The following CHD5 variants were observed in gnomAD, a reference collection of about 807,000 sequenced individuals.
CHD5 encodes ATP-dependent chromatin remodeler CHD5.
A neutral mutation model predicts 230.3 loss-of-function variants in CHD5; 69 were observed. The ratio of observed to expected loss-of-function variants is 0.30; its 90% CI spans 0.25 to 0.37. The LOEUF (loss-of-function observed/expected upper bound fraction) is 0.37, where lower values mean the gene tolerates loss of function less well. Ranked by LOEUF, CHD5 falls within the 10% of genes least tolerant of loss-of-function variation. The pLI, the probability that CHD5 is intolerant of heterozygous loss-of-function variation, is 1.00. For missense variants in CHD5, 1,827 were observed against 2,622.8 expected (o/e 0.70, Z 6.63); for synonymous variants, 1,064 against 1,065.9 (o/e 1.00, Z 0.03).
chr1:6,121,911 G>C lies in CHD5; in HGVS notation c.4700-338C>G, dbSNP rs1002237267. 4.6e-5 allele frequency among the ~76,000 whole-genome samples: 7 copies of C among 152,238 alleles called. No homozygotes were observed. Among genetic ancestry groups the C allele is most frequent in the African/African-American group, 1.7e-4 (7 of 41,474 alleles). On this transcript the variant is annotated intron_variant, in intron 31 of 41. Transcript: ENST00000262450. The surrounding 1 kb of genome is among the most constrained non-coding windows in gnomAD (Gnocchi z 4.5). ...AGCCACGACACCCGCTCTGGTCCCAGCTTTCGGGCGGGCTGGCTGGTGTGT... is the reference window on the plus strand; with the variant it reads ...AGCCACGACACCCGCTCTGGTCCCACCTTTCGGGCGGGCTGGCTGGTGTGT...
chr1:6,137,372 G>T (rs1463417240), intron 15 of CHD5, among the ~76,000 whole-genome samples: 3 of 152,194 alleles, frequency 2.0e-5, no homozygotes, highest in African/African-American at 7.2e-5. Flanking sequence ...CTCCCATAGT[G>T]TTGGGATTAC....
intron 33 of CHD5, among the ~76,000 whole-genome samples, chr1:6,116,255 G>A (rs1331662261): frequency 6.6e-6 from 1 of 152,032 alleles, no homozygotes; most frequent in Admixed American, 6.6e-5. Context: ...ATATATATAT[G>A]CATGTGTGTA....
chr1:6,140,038 T>C (rs1008163430), intron 15 of CHD5, among the ~76,000 whole-genome samples: 1 of 152,232 alleles, frequency 6.6e-6, no homozygotes, highest in African/African-American at 2.4e-5. Flanking sequence ...CCCCCAAGGC[T>C]GTAGCACTGA....
In CHD5 at chr1:6,129,409, G is replaced by T. The variant is rs1666616898; in HGVS notation, c.3388-340C>A. On this transcript the variant is annotated intron_variant, in intron 22 of 41. Transcript: ENST00000262450. The surrounding 1 kb of genome is among the most constrained non-coding windows in gnomAD (Gnocchi z 6.8). ...CAGAGCTTCGTGGGGGCCACGGGGA[G>T]GTAGGAGGCTGCATTTCCCTGTGAG... 6.6e-6 allele frequency among the ~76,000 whole-genome samples: 1 copy of T among 152,172 alleles called. No individual in the cohort carries two copies. Among genetic ancestry groups the T allele is most frequent in the African/African-American group, 2.4e-5 (1 of 41,438 alleles).
intron 2 of CHD5, among the ~76,000 whole-genome samples, chr1:6,161,464 C>T (rs567849411): frequency 2.4e-4 from 37 of 152,356 alleles, no homozygotes; most frequent in Admixed American, 1.6e-3. Context: ...TGCTCCCAAA[C>T]CTCTTAGCCC....
intron 20 of CHD5, among the ~76,000 whole-genome samples, chr1:6,133,569 G>C (rs866663676): frequency 6.6e-6 from 1 of 152,230 alleles, no homozygotes; most frequent in Non-Finnish European, 1.5e-5. Context: ...CCACAGGGTC[G>C]GGTACCTGTC....
At chr1:6,160,328 G>A (rs1389967090) in intron 2 of CHD5, among the ~76,000 whole-genome samples, 1 of 73,108 alleles carries the variant, frequency 1.4e-5, no homozygotes, top group Non-Finnish European at 2.7e-5. Context: ...CCAGGGAAGG[G>A]CCCCAGCAAG....
At chr1:6,177,880 G>A (rs1557567846) in intron 1 of CHD5, among the ~76,000 whole-genome samples, 2 of 152,170 alleles carry the variant, frequency 1.3e-5, no homozygotes, top group South Asian at 2.1e-4. Context: ...GAGTGGACCC[G>A]GGACAAGGGT....
chr1:6,144,831 G>A (rs1374963111), intron 11 of CHD5, among the ~76,000 whole-genome samples: 1 of 152,220 alleles, frequency 6.6e-6, no homozygotes, highest in African/African-American at 2.4e-5. Context: ...GGTGAGCAGC[G>A]GCTGCTGCGG....
intron 2 of CHD5, among the ~76,000 whole-genome samples, chr1:6,163,791 T>TA (rs1474818955): frequency 1.3e-5 from 2 of 152,124 alleles, no homozygotes; most frequent in East Asian, 3.9e-4. Context: ...AACCCAACCC[T>TA]AAGGTTTGAG....
intron 1 of CHD5, among the ~76,000 whole-genome samples, chr1:6,172,617 G>A (rs1667356050): frequency 6.6e-6 from 1 of 152,042 alleles, no homozygotes; most frequent in East Asian, 1.9e-4. Flanking sequence ...CAGGCAGTGG[G>A]CGCCCACCCC....
rs1667283323 is a variant in CHD5, at chr1:6,168,156, C to A, written c.201G>T (p.Lys67Asn). 2 of 1,604,470 alleles carry A rather than the reference C, an allele frequency of 1.2e-6. No individual in the cohort carries two copies. Among genetic ancestry groups the A allele is most frequent in the South Asian group, 1.1e-5 (1 of 90,460 alleles). Residue 67 changes from lysine (K) to asparagine (N), a missense_variant, in exon 2 of 42, where the codon AAG (lysine) becomes AAT (asparagine). Physicochemically the swap from Lys to Asn is moderately conservative, Grantham distance 94 (BLOSUM62 0). This residue lies in a region of CHD5 where 113 missense variants were observed against 91.9 expected (regional missense o/e 1.23). Transcript: ENST00000262450. ...CGCAGGTGCTGCCCCTCACCTCTTT[C>A]TTCTTCCGCTTCCCTTTACACTTGT... Reference protein sequence around the residue: ...KENKCKGKRKKKEGSNDELSE... With the variant: ...KENKCKGKRKNKEGSNDELSE...
intron 7 of CHD5, among the ~76,000 whole-genome samples, chr1:6,150,687 T>TG (rs985383678): frequency 1.7e-4 from 26 of 151,716 alleles, no homozygotes; most frequent in African/African-American, 5.3e-4. Context: ...GTTAAGTGGG[T>TG]GGGGGGTGAC....
At chr1:6,179,440 T>A (rs917853448) in intron 1 of CHD5, among the ~76,000 whole-genome samples, 8 of 151,910 alleles carry the variant, frequency 5.3e-5, no homozygotes, top group African/African-American at 1.9e-4. Context: ...GCTCAACGCG[T>A]CCCCAAGCAC....
intron 31 of CHD5, among the ~76,000 whole-genome samples, chr1:6,123,600 G>GTAT (rs995933653): frequency 7.4e-4 from 113 of 152,168 alleles, no homozygotes; most frequent in African/African-American, 2.7e-3. Flanking sequence ...CTAATCTTTT[G>GTAT]TATTTTTAGT....
chr1:6,146,288 C>T lies in CHD5; in HGVS notation c.1726G>A (p.Ala576Thr). ...CGGTAGAAGCGCTCCTCCATCTTGG[C>T]ATAGAGGGGGTCCTTGTTCTTCCTC... The part of the protein sequence containing the change: ...EKRKNKDPLY[A>T]KMEERFYRYG... The change falls in exon 11 of 42, where the codon GCC becomes ACC. Residue 576 changes from alanine to threonine, a missense_variant. By Grantham distance (58) the Ala-to-Thr change is moderately conservative. Transcript: ENST00000262450. This position sits in a 1 kb window ranked among gnomAD's most constrained non-coding sequence, Gnocchi z 5.1. 6 of 1,614,206 alleles carry T rather than the reference C, an allele frequency of 3.7e-6. No homozygotes were observed. Among genetic ancestry groups the T allele is most frequent in the Non-Finnish European group, 5.1e-6 (6 of 1,180,028 alleles).
In CHD5 at chr1:6,155,735, A is replaced by G. The variant is rs767938155; in HGVS notation, c.388-18T>C. The G allele has an allele frequency of 6.2e-7, 1 of 1,605,880 alleles. No individual in the cohort carries two copies. The highest frequency in any genetic ancestry group is 8.5e-7 in the Non-Finnish European group (1 of 1,172,810). ...TTGGGCTCCTACAGAGACCCAGGCC[A>G]GAGGTAGAGTTGTTGAGGGGCCTTC... On this transcript the variant is annotated intron_variant, in intron 3 of 41. Transcript: ENST00000262450. The surrounding 1 kb of genome is among the most constrained non-coding windows in gnomAD (Gnocchi z 4.0).
chr1:6,175,109 T>C (rs377159223), intron 1 of CHD5, among the ~76,000 whole-genome samples: 3 of 149,480 alleles, frequency 2.0e-5, no homozygotes, highest in South Asian at 4.3e-4. Context: ...GGATGGTGGA[T>C]TGATGAATAG....
chr1:6,107,740 T>G (rs1290238883), intron 38 of CHD5, among the ~76,000 whole-genome samples: 14 of 73,230 alleles, frequency 1.9e-4, no homozygotes, highest in East Asian at 4.4e-4. Context: ...TGAGGGATGA[T>G]GGATGATGGA....
Sources: gnomAD v4.1 joint callset for allele counts (sites outside exome capture counted in the v4.1 genomes callset) on GRCh38, gnomAD v4.1.1 for gene constraint, gnomAD v4.1.1 regional missense constraint, Gnocchi (gnomAD v3.1) non-coding constraint, MANE v1.5 for transcripts, NCBI Gene and HGNC (gene_info 2026-07-23, HGNC 2026-07-21) for gene names.